COPB1: variants seen among roughly 807,000 people sequenced by gnomAD.
COPB1 encodes the protein coat protein complex I subunit beta 1.
A neutral mutation model predicts 108.7 loss-of-function variants in COPB1; 21 were observed. The observed-to-expected ratio is 0.19, with a 90% confidence interval of 0.14 to 0.28. COPB1 has a LOEUF of 0.28. COPB1 is among the 10% of genes least tolerant of loss of function. The probability of loss-of-function intolerance (pLI) is 1.00; values close to 1 mark genes in which losing one functional copy is unlikely to be tolerated. For missense variants in COPB1, 919 were observed against 1,141.3 expected, an observed-to-expected ratio of 0.81 and a Z score of 2.81; for synonymous variants, 378 against 386.8, an observed-to-expected ratio of 0.98 and a Z score of 0.27.
Position 14,494,434 on chromosome 11 carries a change from C to A in COPB1, c.97G>T (p.Gly33Ter). 1 of 1,512,458 alleles carries A rather than the reference C, an allele frequency of 6.6e-7. No individual in the cohort carries two copies. The highest frequency in any genetic ancestry group is 1.2e-5 in the South Asian group (1 of 80,880). The allele number at this position is 1,512,458 out of a possible 1,614,324, so 93.7% of individuals were successfully genotyped here. The change falls in exon 3 of 22, where the codon GGA becomes TGA. Residue 33 changes from glycine to a stop codon, truncating the protein, a stop_gained. Coordinates refer to ENST00000439561, the MANE Select transcript of COPB1 (RefSeq NM_001144061.2). LOFTEE classifies it high-confidence loss of function. Reference protein sequence around the residue: ...EISLKNDLEKGDVKSKTEALK... With the variant: ...EISLKNDLEK The stretch of plus-strand genomic sequence containing the variant: ...GCTTCAGTCTTTGACTTTACATCTC[C>A]TTTTTCTGAATCAAAAATTTTTTTA...
chr11:14,489,862 G>A (rs1298767412), intron 5 of COPB1, among the ~76,000 whole-genome samples: 1 of 152,118 alleles, frequency 6.6e-6, no homozygotes, highest in Non-Finnish European at 1.5e-5. Flanking sequence ...GGTTAAGAGG[G>A]TAAATTTTTT....
intron 16 of COPB1, 137 bp from the exon 17 acceptor site, chr11:14,466,563 T>C (rs1341281105): frequency 1.3e-6 from 1 of 793,244 alleles, no homozygotes; most frequent in East Asian, 2.7e-5. Context: ...AATAAAATTG[T>C]TTTATAATGC....
In COPB1 at chr11:14,468,796, G is replaced by T; in HGVS notation, c.2030C>A (p.Thr677Asn). The change falls in exon 16 of 22, where the codon ACT (threonine) becomes AAT (asparagine). Residue 677 changes from threonine (T) to asparagine (N), a missense_variant. Physicochemically the swap from Thr to Asn is moderately conservative, Grantham distance 65 (BLOSUM62 0). This residue lies in a region of COPB1 where 705 missense variants were observed against 817.8 expected (regional missense o/e 0.86). Coordinates refer to ENST00000439561, the MANE Select transcript of COPB1 (RefSeq NM_001144061.2). The part of the protein sequence containing the change: ...PDDPISFMQL[T>N]AKNEMNCKED... ...CTTGCAGTTCATTTCATTCTTAGCA[G>T]TTAGTTGCATGAAGGAAATGGGGTC... 1 of 1,613,910 alleles carries T rather than the reference G, an allele frequency of 6.2e-7. No homozygotes were observed. The highest frequency in any genetic ancestry group is 1.1e-5 in the South Asian group (1 of 91,064).
chr11:14,486,486 A>T lies in COPB1; in HGVS notation c.718T>A (p.Ser240Thr). Residue 240 changes from serine (S) to threonine (T), a missense_variant, in exon 7 of 22, where the codon TCA becomes ACA. Physicochemically the swap from Ser to Thr is moderately conservative, Grantham distance 58. This residue lies in a region of COPB1 where 22 missense variants were observed against 61.0 expected (regional missense o/e 0.36). Coordinates refer to ENST00000439561, the MANE Select transcript of COPB1 (RefSeq NM_001144061.2). The stretch of plus-strand genomic sequence containing the variant: ...CAGCGAATAAAACGAGCTCTTTCTG[A>T]TGGATTAGCATGACAGACCTGGAGA... ...LIYKVCHANP[S>T]ERARFIRCIY... The T allele has an allele frequency of 6.2e-7, 1 of 1,613,958 alleles. No individual in the cohort carries two copies.
chr11:14,496,060 C>T (rs375194812), intron 2 of COPB1, among the ~76,000 whole-genome samples: 14 of 152,218 alleles, frequency 9.2e-5, no homozygotes, highest in African/African-American at 2.4e-4. Context: ...TATTCCATTA[C>T]TGCTGATTAA....
At chr11:14,491,436 C>T (rs1850900453) in intron 4 of COPB1, among the ~76,000 whole-genome samples, 1 of 152,072 alleles carries the variant, frequency 6.6e-6, no homozygotes, top group Non-Finnish European at 1.5e-5. Flanking sequence ...TTGAGAGGCC[C>T]AGGTGGGCGG....
At chr11:14,491,249 C>T (rs985984286) in intron 4 of COPB1, among the ~76,000 whole-genome samples, 8 of 151,930 alleles carry the variant, frequency 5.3e-5, no homozygotes, top group South Asian at 2.1e-4. Flanking sequence ...CATTTTGCCA[C>T]GTTGGCCAGG....
At chr11:14,497,464 G>A (rs904003833) in intron 2 of COPB1, among the ~76,000 whole-genome samples, 2 of 152,134 alleles carry the variant, frequency 1.3e-5, no homozygotes, top group Non-Finnish European at 2.9e-5. Flanking sequence ...GATCATCAGA[G>A]AAATGCATAT....
chr11:14,494,541 T>C, intron 2 of COPB1, 102 bp from the exon 3 acceptor site: 1 of 670,290 alleles, frequency 1.5e-6, no homozygotes, highest in Non-Finnish European at 2.5e-6. Flanking sequence ...CCTTCTTACT[T>C]CAGTATCAGC....
At chr11:14,493,945 C>A in intron 3 of COPB1, 134 bp from the exon 4 acceptor site, 2 of 858,978 alleles carry the variant, frequency 2.3e-6, no homozygotes, top group Non-Finnish European at 3.4e-6. Flanking sequence ...CCATCATATT[C>A]TTGTTGACTG....
intron 8 of COPB1, among the ~76,000 whole-genome samples, chr11:14,481,516 T>G (rs895239986): frequency 2.6e-5 from 4 of 152,168 alleles, no homozygotes; most frequent in African/African-American, 9.6e-5. Context: ...TGAAAGGGCA[T>G]AACCACCAAA....
chr11:14,464,195 C>A (rs1308231597), intron 18 of COPB1, among the ~76,000 whole-genome samples: 2 of 152,156 alleles, frequency 1.3e-5, no homozygotes, highest in East Asian at 3.9e-4. Context: ...CCTTGTCTAT[C>A]TGTAGTCTTC....
At chr11:14,486,805 T>A (rs1412361056) in intron 6 of COPB1, among the ~76,000 whole-genome samples, 1 of 152,196 alleles carries the variant, frequency 6.6e-6, no homozygotes, top group African/African-American at 2.4e-5. Flanking sequence ...CATCCCATCA[T>A]AATTTATATT....
intron 8 of COPB1, among the ~76,000 whole-genome samples, chr11:14,481,720 A>T (rs1850663377): frequency 6.6e-6 from 1 of 151,724 alleles, no homozygotes; most frequent in African/African-American, 2.4e-5. Context: ...CGAAACTGAT[A>T]AAAAAGTTCT....
At chr11:14,480,963 C>T (rs1309065714) in intron 9 of COPB1, 27 bp downstream of exon 9, 2 of 1,610,318 alleles carry the variant, frequency 1.2e-6, no homozygotes, top group African/African-American at 2.7e-5. Context: ...CTGATAGCTA[C>T]AAAGTGCTGT....
At chr11:14,465,062 TACACACACACACACAC>T (rs3835110) in intron 17 of COPB1, 32 bp from the exon 18 acceptor site, 1,034 of 1,113,010 alleles carry the variant, frequency 9.3e-4, no homozygotes, top group Non-Finnish European at 1.0e-3. Flanking sequence ...TGGTTAAAAA[TACACACACACACACAC>T]ACACACACAC....
At position 14,493,630 on chromosome 11, in the gene COPB1, A is replaced by G. The variant is rs546513451; in HGVS notation, c.491+12T>C. 2.2e-5 allele frequency: 35 copies of G among 1,584,468 alleles called. No homozygotes were observed. Among genetic ancestry groups the G allele is most frequent in the African/African-American group, 1.1e-4 (8 of 73,668 alleles). On this transcript the variant is annotated intron_variant, in intron 4 of 21. Transcript: ENST00000439561. ...ACTCACAGAATGAAGCCAAAGCAGTATCTTTATTTACCTATAGATGGTATA... is the reference window on the plus strand; with the variant it reads ...ACTCACAGAATGAAGCCAAAGCAGTGTCTTTATTTACCTATAGATGGTATA...
At chr11:14,477,111 C>G (rs1850537583) in intron 11 of COPB1, 96 bp from the exon 12 acceptor site, 2 of 869,752 alleles carry the variant, frequency 2.3e-6, no homozygotes, top group Non-Finnish European at 3.8e-6. Flanking sequence ...AAACAAGGGC[C>G]AGGCACTCAC....
At chr11:14,467,754 T>C (rs1850315106) in intron 16 of COPB1, among the ~76,000 whole-genome samples, 1 of 152,228 alleles carries the variant, frequency 6.6e-6, no homozygotes, top group Non-Finnish European at 1.5e-5. Context: ...GAATGAATCT[T>C]GAAGACATTA....
Sources: gnomAD v4.1 joint callset for allele counts (sites outside exome capture counted in the v4.1 genomes callset) on GRCh38, gnomAD v4.1.1 for gene constraint, gnomAD v4.1.1 regional missense constraint, MANE v1.5 for transcripts, NCBI Gene and HGNC (gene_info 2026-07-23, HGNC 2026-07-21) for gene names.